The following FAM78B variants were observed in gnomAD, a reference collection of about 807,000 sequenced individuals.
The protein encoded by FAM78B is family with sequence similarity 78 member B.
FAM78B carries 10 observed loss-of-function variants against 20.0 expected under a neutral mutation model. The observed-to-expected ratio is 0.50, with a 90% CI of 0.31 to 0.85. The LOEUF is 0.85. Ranked by LOEUF, FAM78B falls within the 40% of genes least tolerant of loss-of-function variation. FAM78B has a pLI of 0.05. For missense variants in FAM78B, 283 were observed against 345.0 expected (o/e 0.82, Z 1.42); for synonymous variants, 135 against 132.8 (o/e 1.02, Z -0.12).
intron 1 of FAM78B, among the ~76,000 whole-genome samples, chr1:166,120,918 T>C (rs1225802428): frequency 6.6e-6 from 1 of 152,340 alleles, no homozygotes; most frequent in East Asian, 1.9e-4. Context: ...TTCATCCACT[T>C]GGCCAAAGTG....
At chr1:166,060,758 C>T (rs1439829410) in intron 2 of FAM78B, 3 of 734,220 alleles carry the variant, frequency 4.1e-6, no homozygotes, top group South Asian at 3.7e-5. Context: ...ATGATCTGGG[C>T]TCCATTAATA....
At chr1:166,114,309 CAT>C (rs1654177822) in intron 1 of FAM78B, among the ~76,000 whole-genome samples, 1 of 152,150 alleles carries the variant, frequency 6.6e-6, no homozygotes, top group Non-Finnish European at 1.5e-5. Flanking sequence ...TGCCCTGGGT[CAT>C]AGTTATTAAA....
chr1:166,134,516 G>GTAATAATAA (rs201347416), intron 1 of FAM78B, among the ~76,000 whole-genome samples: 245 of 150,920 alleles, frequency 1.6e-3, no homozygotes, highest in East Asian at 8.0e-3. Context: ...CATTAAAGTA[G>GTAATAATAA]TAATAATAAT....
chr1:166,108,363 G>T (rs554808565), intron 1 of FAM78B, among the ~76,000 whole-genome samples: 3 of 151,988 alleles, frequency 2.0e-5, no homozygotes, highest in Non-Finnish European at 4.4e-5. Context: ...ACCAAGCAAA[G>T]AATCAAATCA....
chr1:166,090,901 T>G (rs1359460693), intron 1 of FAM78B, among the ~76,000 whole-genome samples: 1 of 152,208 alleles, frequency 6.6e-6, no homozygotes. Context: ...GCACTTCACA[T>G]GCACCAACTG....
chr1:166,067,118 A>G (rs927283789), downstream of FAM78B, among the ~76,000 whole-genome samples: 1 of 152,098 alleles, frequency 6.6e-6, no homozygotes, highest in Non-Finnish European at 1.5e-5. Context: ...TTGTGGGTGA[A>G]TGGATTAGGG....
At chr1:166,161,368 G>A (rs184549058) in intron 1 of FAM78B, among the ~76,000 whole-genome samples, 1 of 152,274 alleles carries the variant, frequency 6.6e-6, no homozygotes, top group Non-Finnish European at 1.5e-5. Context: ...GGCTGGTCTT[G>A]AACTCCTGGG....
At chr1:166,111,704 G>T (rs1571173164) in intron 1 of FAM78B, among the ~76,000 whole-genome samples, 1 of 152,176 alleles carries the variant, frequency 6.6e-6, no homozygotes, top group Non-Finnish European at 1.5e-5. Context: ...CTGCATGGGG[G>T]TTTTTCAGGG....
chr1:166,056,867 T>C (rs1324778014), downstream of FAM78B, among the ~76,000 whole-genome samples: 1 of 152,104 alleles, frequency 6.6e-6, no homozygotes, highest in Non-Finnish European at 1.5e-5. Flanking sequence ...CATGTTGAAA[T>C]CCTAACCCCC....
At chr1:166,102,538 A>ATTTTTT (rs1394634545) in intron 1 of FAM78B, among the ~76,000 whole-genome samples, 8 of 152,194 alleles carry the variant, frequency 5.3e-5, no homozygotes, top group Non-Finnish European at 8.8e-5. Context: ...GGAAAACAAA[A>ATTTTTT]AAAGGCAGGG....
chr1:166,130,120 C>G (rs1261573571), intron 1 of FAM78B, among the ~76,000 whole-genome samples: 1 of 152,202 alleles, frequency 6.6e-6, no homozygotes, highest in African/African-American at 2.4e-5. Flanking sequence ...TGGTCTTAGT[C>G]ATTTCTGTGC....
intron 1 of FAM78B, among the ~76,000 whole-genome samples, chr1:166,150,735 CAATACAACTAGCAAATGGGAT>C (rs1446199129): frequency 6.6e-6 from 1 of 152,042 alleles, no homozygotes; most frequent in Non-Finnish European, 1.5e-5. Flanking sequence ...AACATTTGTA[CAATACAACTAGCAAATGGGAT>C]CTTATGGACA....
At chr1:166,101,462 A>G (rs1439356716) in intron 1 of FAM78B, among the ~76,000 whole-genome samples, 2 of 152,150 alleles carry the variant, frequency 1.3e-5, no homozygotes, top group African/African-American at 4.8e-5. Flanking sequence ...AAAACCTTGA[A>G]AAAAAATTAG....
intron 1 of FAM78B, among the ~76,000 whole-genome samples, chr1:166,146,110 A>G (rs1655442757): frequency 6.6e-6 from 1 of 152,198 alleles, no homozygotes; most frequent in Non-Finnish European, 1.5e-5. Flanking sequence ...AGGATGAAGG[A>G]TGGTTATTAT....
downstream of FAM78B, among the ~76,000 whole-genome samples, chr1:166,066,202 A>G (rs1053228954): frequency 8.5e-5 from 13 of 152,196 alleles, no homozygotes; most frequent in African/African-American, 2.7e-4. Context: ...TTCTGATGCC[A>G]GGAGAGCAGA....
chr1:166,100,226 C>T (rs1653455374), intron 1 of FAM78B, among the ~76,000 whole-genome samples: 1 of 152,162 alleles, frequency 6.6e-6, no homozygotes, highest in African/African-American at 2.4e-5. Context: ...TCCAAGATGG[C>T]CAAATAGGAA....
intron 1 of FAM78B, among the ~76,000 whole-genome samples, chr1:166,105,283 A>T (rs144647024): frequency 4.4e-4 from 67 of 152,388 alleles, no homozygotes; most frequent in African/African-American, 1.6e-3. Flanking sequence ...ACCAGTCAGC[A>T]CATAGGCATG....
intron 1 of FAM78B, among the ~76,000 whole-genome samples, chr1:166,163,043 A>G (rs952125977): frequency 2.0e-5 from 3 of 152,212 alleles, no homozygotes; most frequent in African/African-American, 7.2e-5. Flanking sequence ...GTCGTCTTAT[A>G]ATGAGAAGCA....
intron 1 of FAM78B, among the ~76,000 whole-genome samples, chr1:166,163,130 A>G (rs1656221411): frequency 6.6e-6 from 1 of 152,182 alleles, no homozygotes. Context: ...ATGTTTGTAT[A>G]TTGACAGGTT....
Sources: allele counts gnomAD v4.1 joint callset (sites outside exome capture counted in the v4.1 genomes callset), GRCh38; gene constraint gnomAD v4.1.1; transcripts MANE v1.5; gene names NCBI Gene and HGNC (gene_info 2026-07-23, HGNC 2026-07-21).